The following RGS7 variants were observed in gnomAD, a reference collection of about 807,000 sequenced individuals.
RGS7 encodes regulator of G protein signaling 7.
Under a neutral mutation model 81.1 loss-of-function variants are expected in RGS7, and 27 were observed. That is an observed-to-expected ratio of 0.33 (90% CI 0.25 to 0.46). RGS7 has a LOEUF of 0.46. RGS7 is among the 20% of genes least tolerant of loss of function. The probability of loss-of-function intolerance (pLI) is 1.00; values close to 1 mark genes in which losing one functional copy is unlikely to be tolerated. For synonymous variants in RGS7, 208 were observed against 207.7 expected (o/e 1.00, Z -0.01); for missense variants, 396 against 607.4 (o/e 0.65, Z 3.66).
intron 18 of RGS7, among the ~76,000 whole-genome samples, chr1:240,797,932 G>A (rs1687342771): frequency 6.6e-6 from 1 of 152,192 alleles, no homozygotes; most frequent in Non-Finnish European, 1.5e-5. Flanking sequence ...ACACAAATGT[G>A]AGTTATTTTT....
chr1:240,801,431 A>T, intron 17 of RGS7, 24 bp downstream of exon 17: 1 of 1,508,888 alleles, frequency 6.6e-7, no homozygotes, highest in Non-Finnish European at 9.2e-7. Context: ...AATGATTCAT[A>T]ATTCCTCAAA....
At chr1:241,252,245 T>C (rs1229537162) in intron 2 of RGS7, among the ~76,000 whole-genome samples, 1 of 151,710 alleles carries the variant, frequency 6.6e-6, no homozygotes, top group African/African-American at 2.4e-5. Context: ...GGTTTCGCCA[T>C]GTTGACCAGG....
chr1:241,247,493 C>G (rs2076605531), intron 2 of RGS7, among the ~76,000 whole-genome samples: 1 of 152,112 alleles, frequency 6.6e-6, no homozygotes, highest in African/African-American at 2.4e-5. Flanking sequence ...CTCTTTCCCC[C>G]ACAGGTTGAA....
At chr1:240,885,985 T>C (rs1346476036) in intron 6 of RGS7, among the ~76,000 whole-genome samples, 3 of 152,204 alleles carry the variant, frequency 2.0e-5, no homozygotes, top group South Asian at 4.1e-4. Context: ...CATTCTTTCA[T>C]AGGTAACATT....
At chr1:241,232,521 G>A (rs1318577744) in intron 2 of RGS7, among the ~76,000 whole-genome samples, 1 of 152,072 alleles carries the variant, frequency 6.6e-6, no homozygotes, top group African/African-American at 2.4e-5. Flanking sequence ...TGTCTATTAA[G>A]CCAAAACCAC....
chr1:241,071,782 G>A (rs538384144), intron 3 of RGS7, among the ~76,000 whole-genome samples: 3 of 147,314 alleles, frequency 2.0e-5, no homozygotes, highest in African/African-American at 5.0e-5. Flanking sequence ...GCTGAGATGG[G>A]AGGATCCCTT....
At chr1:240,819,639 G>A (rs1018032367) in intron 10 of RGS7, among the ~76,000 whole-genome samples, 3 of 152,200 alleles carry the variant, frequency 2.0e-5, no homozygotes, top group Non-Finnish European at 4.4e-5. Flanking sequence ...TTGGGAGGCT[G>A]AGGCAGGAGA....
At chr1:240,969,161 T>C (rs551002056) in intron 4 of RGS7, among the ~76,000 whole-genome samples, 2 of 151,956 alleles carry the variant, frequency 1.3e-5, no homozygotes, top group Admixed American at 6.5e-5. Context: ...TTTTTACTTT[T>C]CTTTTCTTTT....
chr1:241,310,991 T>C (rs2080493896), intron 2 of RGS7, among the ~76,000 whole-genome samples: 2 of 152,226 alleles, frequency 1.3e-5, no homozygotes, highest in Non-Finnish European at 2.9e-5. Context: ...GATCTGACTA[T>C]GGTTCTGACA....
At chr1:240,793,274 A>G (rs1422226204) in intron 18 of RGS7, among the ~76,000 whole-genome samples, 1 of 152,132 alleles carries the variant, frequency 6.6e-6, no homozygotes, top group Non-Finnish European at 1.5e-5. Context: ...AAATGAAGAT[A>G]TATTGTCTGA....
At chr1:240,989,369 G>C (rs937961615) in intron 3 of RGS7, among the ~76,000 whole-genome samples, 19 of 151,780 alleles carry the variant, frequency 1.3e-4, no homozygotes, top group Non-Finnish European at 2.5e-4. Context: ...CAGGGAGCTC[G>C]AGGTTGCAGT....
At chr1:241,246,451 G>A (rs920479822) in intron 2 of RGS7, among the ~76,000 whole-genome samples, 6 of 152,166 alleles carry the variant, frequency 3.9e-5, no homozygotes, top group Non-Finnish European at 7.3e-5. Context: ...TCCAAAGGAA[G>A]TAGATATTTT....
At chr1:240,782,841 ATAATACTTAT>A (rs1363391920) in intron 18 of RGS7, among the ~76,000 whole-genome samples, 2 of 152,240 alleles carry the variant, frequency 1.3e-5, no homozygotes, top group African/African-American at 4.8e-5. Flanking sequence ...TTCTATGCGA[ATAATACTTAT>A]TTTTAACCCA....
At chr1:240,875,548 C>T (rs895009168) in intron 6 of RGS7, among the ~76,000 whole-genome samples, 1 of 152,074 alleles carries the variant, frequency 6.6e-6, no homozygotes, top group Non-Finnish European at 1.5e-5. Context: ...GGTAGATCCC[C>T]AGAATTGGAA....
intron 3 of RGS7, among the ~76,000 whole-genome samples, chr1:241,023,738 T>A (rs1184592985): frequency 6.6e-6 from 1 of 152,084 alleles, no homozygotes; most frequent in Non-Finnish European, 1.5e-5. Flanking sequence ...CTTTTCATAT[T>A]GATTGATTGA....
At chr1:240,864,295 C>T (rs917783404) in intron 9 of RGS7, among the ~76,000 whole-genome samples, 53 of 152,068 alleles carry the variant, frequency 3.5e-4, no homozygotes, top group African/African-American at 1.2e-3. Flanking sequence ...GATCCATGTT[C>T]CATATTATGG....
intron 2 of RGS7, among the ~76,000 whole-genome samples, chr1:241,339,995 A>G (rs371129369): frequency 2.0e-5 from 3 of 152,346 alleles, no homozygotes; most frequent in South Asian, 2.1e-4. Context: ...AAGTAAATTA[A>G]TTTGTTTCTG....
Position 241,279,844 on chromosome 1 carries a change from C to T in RGS7, c.78+75855G>A, listed in dbSNP as rs76804924. Reference sequence around the variant, plus strand: ...AACTTCTGAGATTAGTTTTTTCACTCAGCCCAACTTTCTAGAGATTCACCC... The same window carrying T: ...AACTTCTGAGATTAGTTTTTTCACTTAGCCCAACTTTCTAGAGATTCACCC... On this transcript the variant is annotated intron_variant, in intron 2 of 18. Coordinates refer to ENST00000440928, the MANE Select transcript of RGS7 (RefSeq NM_001364886.1). Among the ~76,000 whole-genome samples, 1,493 of 152,286 alleles carry T rather than the reference C, an allele frequency of 9.8e-3. 11 individuals are homozygous for T. Among genetic ancestry groups the T allele is most frequent in the African/African-American group, 0.019 (792 of 41,564 alleles).
intron 2 of RGS7, among the ~76,000 whole-genome samples, chr1:241,219,706 C>G (rs2074782589): frequency 6.6e-6 from 1 of 152,058 alleles, no homozygotes; most frequent in Admixed American, 6.5e-5. Context: ...AGAAACAGAG[C>G]TAGAAAGATA....
Sources: gnomAD v4.1 joint callset for allele counts (sites outside exome capture counted in the v4.1 genomes callset) on GRCh38, gnomAD v4.1.1 for gene constraint, MANE v1.5 for transcripts, NCBI Gene and HGNC (gene_info 2026-07-23, HGNC 2026-07-21) for gene names.